The following ULK4 variants were observed in gnomAD, a reference collection of about 807,000 sequenced individuals.
ULK4 encodes unc-51 like kinase 4, also known as inactive serine/threonine-protein kinase ULK4.
In ULK4, 133 loss-of-function variants were observed where a neutral mutation model predicts 160.6. The observed-to-expected ratio is 0.83, with a 90% CI of 0.72 to 0.96. The LOEUF is 0.96. Among genes scored for constraint, ULK4 ranks in the 40% least tolerant of loss-of-function variants. ULK4 has a pLI of 0.00. For synonymous variants in ULK4, 534 were observed against 539.8 expected (o/e 0.99, Z 0.15); for missense variants, 1,580 against 1,499.5 (o/e 1.05, Z -0.89).
chr3:41,736,326 T>A (rs2038048297), intron 22 of ULK4, among the ~76,000 whole-genome samples: 1 of 151,820 alleles, frequency 6.6e-6, no homozygotes, highest in South Asian at 2.1e-4. Flanking sequence ...AAAGTGTTCC[T>A]ATTTCTCCAC....
intron 21 of ULK4, among the ~76,000 whole-genome samples, chr3:41,761,474 TA>T (rs2038984265): frequency 6.6e-6 from 1 of 150,990 alleles, no homozygotes; most frequent in Non-Finnish European, 1.5e-5. Flanking sequence ...TGTTATGCCT[TA>T]AACAGTAGAG....
intron 31 of ULK4, among the ~76,000 whole-genome samples, chr3:41,596,887 A>G (rs1284098086): frequency 1.3e-5 from 2 of 152,152 alleles, no homozygotes; most frequent in South Asian, 2.1e-4. Context: ...AGGTTTCTCA[A>G]TGTCAGCACT....
intron 10 of ULK4, 62 bp from the exon 11 acceptor site, chr3:41,911,448 C>G (rs373723459): frequency 3.1e-6 from 5 of 1,591,674 alleles, no homozygotes; most frequent in East Asian, 2.2e-5. Flanking sequence ...CAAGGCATAA[C>G]GTACACAAAG....
At chr3:41,279,355 C>T (rs1308071292) in intron 35 of ULK4, among the ~76,000 whole-genome samples, 5 of 150,252 alleles carry the variant, frequency 3.3e-5, no homozygotes, top group East Asian at 3.9e-4. Flanking sequence ...CTGAAAATGA[C>T]GGGGAGAATG....
chr3:41,622,914 A>G (rs1485783000), intron 30 of ULK4, among the ~76,000 whole-genome samples: 1 of 152,220 alleles, frequency 6.6e-6, no homozygotes, highest in African/African-American at 2.4e-5. Flanking sequence ...CTCTGTCATC[A>G]TAAAGTAAAA....
intron 34 of ULK4, among the ~76,000 whole-genome samples, chr3:41,412,054 T>C (rs1372861978): frequency 6.6e-6 from 1 of 152,154 alleles, no homozygotes; most frequent in African/African-American, 2.4e-5. Context: ...AAATCAGATG[T>C]AATTAACAAA....
In ULK4 at chr3:41,931,985, T is replaced by C. The variant is rs755311969; in HGVS notation, c.400A>G (p.Thr134Ala). The C allele has an allele frequency of 3.1e-6, 5 of 1,614,070 alleles. No homozygotes were observed. Among genetic ancestry groups the C allele is most frequent in the South Asian group, 1.1e-5 (1 of 91,060 alleles). Residue 134 changes from threonine to alanine, a missense_variant, in exon 5 of 37, where the codon ACA (threonine) becomes GCA (alanine). Transcript: ENST00000301831. ...AAGCAAAAGTTGCTAAACTTCAGTGTGCCAGGCCCTTCCAAGAGTATCTAT... is the reference window on the plus strand; with the variant it reads ...AAGCAAAAGTTGCTAAACTTCAGTGCGCCAGGCCCTTCCAAGAGTATCTAT... ...PRKILLEGPG[T>A]LKFSNFCLAK...
intron 34 of ULK4, among the ~76,000 whole-genome samples, chr3:41,406,606 T>G (rs2082298633): frequency 6.6e-6 from 1 of 152,184 alleles, no homozygotes; most frequent in Non-Finnish European, 1.5e-5. Context: ...AGGTAAATAT[T>G]GGGGGACTAG....
rs1197611469 is a variant in ULK4 at position 41,907,841 on chromosome 3, T to C, written c.1182+4A>G. 6.4e-7 allele frequency: 1 copy of C among 1,554,244 alleles called. No individual in the cohort carries two copies. Among genetic ancestry groups the C allele is most frequent in the Non-Finnish European group, 8.7e-7 (1 of 1,153,008 alleles). On this transcript the variant is annotated splice_donor_region_variant and intron_variant, in intron 12 of 36. Coordinates refer to ENST00000301831, the MANE Select transcript of ULK4 (RefSeq NM_017886.4). The stretch of plus-strand genomic sequence containing the variant: ...TAGGAAGAAAATTTCCCAAGTCTGC[T>C]CACCTTGGTCAGAGGAGAAGTCTTC...
At chr3:41,268,903 T>G (rs1210002348) in intron 35 of ULK4, among the ~76,000 whole-genome samples, 2 of 150,786 alleles carry the variant, frequency 1.3e-5, no homozygotes, top group Admixed American at 1.3e-4. Flanking sequence ...TCCACACAGC[T>G]GCTACAGAGC....
chr3:41,923,756 C>T (rs1159900829), intron 5 of ULK4, among the ~76,000 whole-genome samples: 2 of 152,212 alleles, frequency 1.3e-5, no homozygotes, highest in Non-Finnish European at 2.9e-5. Flanking sequence ...ACCGTGGAAC[C>T]TGAACCCTAA....
chr3:41,404,172 GGGAA>G (rs2082244627), intron 34 of ULK4, among the ~76,000 whole-genome samples: 1 of 150,134 alleles, frequency 6.7e-6, no homozygotes, highest in African/African-American at 2.4e-5. Context: ...ATTCCTAAGT[GGGAA>G]AGCCCCAACT....
At chr3:41,717,980 A>G in intron 22 of ULK4, 119 bp from the exon 23 acceptor site, 2 of 1,215,012 alleles carry the variant, frequency 1.6e-6, no homozygotes, top group Non-Finnish European at 2.2e-6. Flanking sequence ...ATTGACGTTT[A>G]GATTTGTAGC....
At chr3:41,849,600 A>G (rs1001784581) in intron 17 of ULK4, among the ~76,000 whole-genome samples, 1 of 152,218 alleles carries the variant, frequency 6.6e-6, no homozygotes, top group Non-Finnish European at 1.5e-5. Context: ...CTCAACCCAA[A>G]GAAATTTATA....
Position 41,872,873 on chromosome 3 carries a change from G to A in ULK4, c.1656+11001C>T, listed in dbSNP as rs370060198. On this transcript the variant is annotated intron_variant, in intron 17 of 36. Transcript: ENST00000301831. ...CTGAAGATAAAAATCAACAAACTTCGGCTGGGCGCAGTGGCTCATGCCTGT... is the reference window on the plus strand; with the variant it reads ...CTGAAGATAAAAATCAACAAACTTCAGCTGGGCGCAGTGGCTCATGCCTGT... 2.4e-4 allele frequency among the ~76,000 whole-genome samples: 36 copies of A among 152,094 alleles called. 1 individual carries two copies. The East Asian group carries it at 3.1e-3, about 13-fold the overall frequency.
intron 17 of ULK4, among the ~76,000 whole-genome samples, chr3:41,843,401 C>G (rs753263942): frequency 9.9e-5 from 15 of 152,060 alleles, no homozygotes; most frequent in Admixed American, 3.9e-4. Context: ...AGCTGCGGAC[C>G]CTCGCGGTGA....
chr3:41,953,414 T>G (rs1325172983), intron 2 of ULK4, among the ~76,000 whole-genome samples: 2 of 151,194 alleles, frequency 1.3e-5, no homozygotes, highest in African/African-American at 2.4e-5. Context: ...GCGGTTCTCC[T>G]GCCTCAGCCT....
intron 29 of ULK4, among the ~76,000 whole-genome samples, chr3:41,679,327 G>A (rs191910755): frequency 6.6e-6 from 1 of 152,178 alleles, no homozygotes; most frequent in Non-Finnish European, 1.5e-5. Flanking sequence ...TATCTTCTAA[G>A]GTAGGTACTA....
intron 2 of ULK4, among the ~76,000 whole-genome samples, chr3:41,948,906 A>G (rs943804527): frequency 1.4e-4 from 21 of 152,294 alleles, no homozygotes; most frequent in African/African-American, 5.1e-4. Context: ...GAAGGTATAA[A>G]AAGTCCTAGC....
Sources: gnomAD v4.1 joint callset for allele counts (sites outside exome capture counted in the v4.1 genomes callset) on GRCh38, gnomAD v4.1.1 for gene constraint, MANE v1.5 for transcripts, NCBI Gene and HGNC (gene_info 2026-07-23, HGNC 2026-07-21) for gene names.